CSMD1: variants seen among roughly 807,000 people sequenced by gnomAD.
The protein encoded by CSMD1 is CUB and sushi domain-containing protein 1.
In CSMD1, 213 loss-of-function variants were observed where a neutral mutation model predicts 417.5. That is an observed-to-expected ratio of 0.51 (90% CI 0.46 to 0.57). CSMD1 has a LOEUF of 0.57. CSMD1 is among the 20% of genes least tolerant of loss of function. The probability of loss-of-function intolerance (pLI) is 0.00; values close to 1 mark genes in which losing one functional copy is unlikely to be tolerated. For missense variants in CSMD1, 6,923 were observed against 4,529.7 expected, an observed-to-expected ratio of 1.53 and a Z score of -15.17; for synonymous variants, 2,862 against 1,736.8, an observed-to-expected ratio of 1.65 and a Z score of -16.11.
At chr8:4,163,737 T>G (rs771020155) in intron 3 of CSMD1, among the ~76,000 whole-genome samples, 3 of 152,208 alleles carry the variant, frequency 2.0e-5, no homozygotes, top group African/African-American at 7.2e-5. Flanking sequence ...GATTAATCAG[T>G]AGCACTAATA....
chr8:4,073,996 T>G (rs1029756799), intron 3 of CSMD1, among the ~76,000 whole-genome samples: 1 of 152,138 alleles, frequency 6.6e-6, no homozygotes, highest in African/African-American at 2.4e-5. Context: ...TTTGGGAAGC[T>G]TTAATGACTT....
chr8:3,295,474 AG>A (rs1313481515), intron 25 of CSMD1, among the ~76,000 whole-genome samples: 4 of 152,166 alleles, frequency 2.6e-5, no homozygotes, highest in Non-Finnish European at 4.4e-5. Flanking sequence ...ACTGAAAAAA[AG>A]GTAGAACTTT....
At chr8:3,068,906 C>G (rs2128997383) in intron 49 of CSMD1, among the ~76,000 whole-genome samples, 1 of 152,114 alleles carries the variant, frequency 6.6e-6, no homozygotes, top group African/African-American at 2.4e-5. Context: ...TCCCCTGACC[C>G]CTCCCAATTC....
chr8:3,463,924 G>T (rs570249205), intron 12 of CSMD1, among the ~76,000 whole-genome samples: 1 of 152,164 alleles, frequency 6.6e-6, no homozygotes, highest in South Asian at 2.1e-4. Flanking sequence ...CACAGACTGA[G>T]ATGCCTACAC....
chr8:3,900,595 G>C lies in CSMD1; in HGVS notation c.818+97308C>G, dbSNP rs1413389188. Reference sequence around the variant, plus strand: ...TGTAGCTGGATGACACTCTAGCTGGGTGACAGTGTAGCTGGGTGACACTAA... The same window carrying C: ...TGTAGCTGGATGACACTCTAGCTGGCTGACAGTGTAGCTGGGTGACACTAA... On this transcript the variant is annotated intron_variant, in intron 5 of 69. Coordinates refer to ENST00000635120, the MANE Select transcript of CSMD1 (RefSeq NM_033225.6). 5.3e-5 allele frequency among the ~76,000 whole-genome samples: 8 copies of C among 151,786 alleles called. No homozygotes were observed. In the East Asian group the frequency reaches 1.4e-3, roughly 26 times the overall value.
chr8:4,773,508 G>A (rs1374251136), intron 1 of CSMD1, among the ~76,000 whole-genome samples: 1 of 152,132 alleles, frequency 6.6e-6, no homozygotes, highest in Non-Finnish European at 1.5e-5. Context: ...CTCTCAGATT[G>A]CTTCCTCAAC....
In CSMD1 at chr8:2,955,540, T is replaced by C. The variant is rs763933089; in HGVS notation, c.9994+49A>G. The C allele has an allele frequency of 5.0e-6, 8 of 1,589,330 alleles. No individual in the cohort carries two copies. The African/African-American group carries it at 1.1e-4, about 21-fold the overall frequency. ...CACTAGCCTGATGGGCAGCTGATCCTTTCCCTTGCTCTTTGGAAAAGTATG... is the reference window on the plus strand; with the variant it reads ...CACTAGCCTGATGGGCAGCTGATCCCTTCCCTTGCTCTTTGGAAAAGTATG... On this transcript the variant is annotated intron_variant, in intron 64 of 69. Coordinates refer to ENST00000635120, the MANE Select transcript of CSMD1 (RefSeq NM_033225.6).
chr8:4,335,372 T>C (rs1264728328), intron 3 of CSMD1, among the ~76,000 whole-genome samples: 7 of 152,134 alleles, frequency 4.6e-5, no homozygotes, highest in Admixed American at 4.6e-4. Flanking sequence ...GGAATCTGGA[T>C]ATACACATCT....
chr8:3,909,051 G>A lies in CSMD1; in HGVS notation c.818+88852C>T, dbSNP rs139956796. ...TTTCACATTGTGGGTGAAATGCGGG[G>A]AGCAGCTGAGAAGGCCTTTGGAGAA... On this transcript the variant is annotated intron_variant, in intron 5 of 69. Coordinates refer to ENST00000635120, the MANE Select transcript of CSMD1 (RefSeq NM_033225.6). 3.9e-3 allele frequency among the ~76,000 whole-genome samples: 601 copies of A among 152,292 alleles called. 4 individuals carry two copies. Among genetic ancestry groups the A allele is most frequent in the African/African-American group, 0.013 (531 of 41,550 alleles).
intron 5 of CSMD1, among the ~76,000 whole-genome samples, chr8:3,856,784 A>C (rs572799644): frequency 7.2e-5 from 11 of 152,154 alleles, no homozygotes; most frequent in African/African-American, 2.2e-4. Context: ...GAGACTGAGC[A>C]TATTACAGAT....
intron 2 of CSMD1, among the ~76,000 whole-genome samples, chr8:4,440,769 G>A (rs903253864): frequency 2.0e-5 from 3 of 152,102 alleles, no homozygotes; most frequent in Non-Finnish European, 2.9e-5. Context: ...GCCAGTGCGA[G>A]CAGATCACCT....
At chr8:4,220,897 G>T (rs1055245010) in intron 3 of CSMD1, among the ~76,000 whole-genome samples, 1 of 152,174 alleles carries the variant, frequency 6.6e-6, no homozygotes. Context: ...GGATGTGGGA[G>T]GAATAAGTAG....
intron 3 of CSMD1, among the ~76,000 whole-genome samples, chr8:4,374,321 CA>C (rs1802581776): frequency 6.6e-6 from 1 of 152,022 alleles, no homozygotes; most frequent in South Asian, 2.1e-4. Flanking sequence ...AATTACAGTA[CA>C]ATGTAATCTT....
At chr8:4,505,536 G>C in intron 2 of CSMD1, among the ~76,000 whole-genome samples, 1 of 152,182 alleles carries the variant, frequency 6.6e-6, no homozygotes, top group Middle Eastern at 3.4e-3. Flanking sequence ...TCAGAATCTT[G>C]ATATTCATAT....
Position 4,518,475 on chromosome 8 carries a change from T to A in CSMD1, c.303-98410A>T, listed in dbSNP as rs185760459. ...GATATCCTTTACTGAGATGAAAACA[T>A]ACCAGTAATATTTTAATATTCTCAG... is the stretch of plus-strand genomic sequence containing the variant. On this transcript the variant is annotated intron_variant, in intron 2 of 69. Transcript: ENST00000635120. Among the ~76,000 whole-genome samples the A allele has an allele frequency of 5.3e-5, 8 of 152,096 alleles. No individual in the cohort carries two copies. The East Asian group carries it at 1.4e-3, about 26-fold the overall frequency.
At chr8:3,280,147 G>T (rs1802619968) in intron 26 of CSMD1, among the ~76,000 whole-genome samples, 1 of 152,044 alleles carries the variant, frequency 6.6e-6, no homozygotes, top group African/African-American at 2.4e-5. Context: ...ACCCATGCTG[G>T]GGCTTCTTAT....
intron 1 of CSMD1, among the ~76,000 whole-genome samples, chr8:4,835,750 A>G (rs1277382696): frequency 6.6e-6 from 1 of 151,708 alleles, no homozygotes; most frequent in East Asian, 1.9e-4. Context: ...GGTGGTAGAC[A>G]CCATGCTAGG....
rs752494368 is a variant in CSMD1, at chr8:2,973,187, C to G, written c.8853G>C (p.Gln2951His). Reference sequence around the variant, plus strand: ...ACGTGCGTTCAGGGGAGCCCCTCAGCTGGTGCCCCATTTCACAGGAGAAGC... The same window carrying G: ...ACGTGCGTTCAGGGGAGCCCCTCAGGTGGTGCCCCATTTCACAGGAGAAGC... ...LLRFSCEMGH[Q>H]LRGSPERTCL... Residue 2951 changes from glutamine to histidine, a missense_variant, in exon 57 of 70, where the codon CAG (glutamine) becomes CAC (histidine). Transcript: ENST00000635120. 3.7e-6 allele frequency: 6 copies of G among 1,613,756 alleles called. No homozygotes were observed. Among genetic ancestry groups the G allele is most frequent in the South Asian group, 1.1e-5 (1 of 91,080 alleles).
chr8:3,205,163 T>C (rs1166956076), intron 31 of CSMD1, among the ~76,000 whole-genome samples: 3 of 152,214 alleles, frequency 2.0e-5, no homozygotes, highest in Non-Finnish European at 4.4e-5. Flanking sequence ...CACAGAGTTC[T>C]GACCCACCCA....
Sources: gnomAD v4.1 joint callset for allele counts (sites outside exome capture counted in the v4.1 genomes callset) on GRCh38, gnomAD v4.1.1 for gene constraint, MANE v1.5 for transcripts, NCBI Gene and HGNC (gene_info 2026-07-23, HGNC 2026-07-21) for gene names.